The following PTBP2 variants were observed in gnomAD, a reference collection of about 807,000 sequenced individuals.
The protein encoded by PTBP2 is polypyrimidine tract-binding protein 2.
PTBP2 carries 13 observed loss-of-function variants against 61.4 expected under a neutral mutation model. The ratio of observed to expected loss-of-function variants is 0.21; its 90% CI spans 0.14 to 0.34. The LOEUF is 0.34. Among genes scored for constraint, PTBP2 ranks in the 10% least tolerant of loss-of-function variants. The probability of loss-of-function intolerance (pLI) is 1.00; values close to 1 mark genes in which losing one functional copy is unlikely to be tolerated. For synonymous variants in PTBP2, 215 were observed against 218.5 expected (o/e 0.98, Z 0.14); for missense variants, 405 against 642.6 (o/e 0.63, Z 4.00).
At chr1:96,747,436 A>G (rs569852310) in intron 2 of PTBP2, among the ~76,000 whole-genome samples, 38 of 152,270 alleles carry the variant, frequency 2.5e-4, no homozygotes, top group South Asian at 1.4e-3. Context: ...TAAAGATACT[A>G]TATTTTCTTC....
chr1:96,757,239 G>A (rs1469046124), intron 3 of PTBP2, among the ~76,000 whole-genome samples: 7 of 152,298 alleles, frequency 4.6e-5, no homozygotes, highest in Middle Eastern at 3.4e-3. Context: ...GAAATATCAA[G>A]ATGCAGGTTG....
At chr1:96,791,070 A>G (rs1282551346) in intron 8 of PTBP2, among the ~76,000 whole-genome samples, 3 of 151,608 alleles carry the variant, frequency 2.0e-5, no homozygotes, top group Non-Finnish European at 4.4e-5. Flanking sequence ...GAGGATATAC[A>G]TCTCTCAGGT....
intron 8 of PTBP2, among the ~76,000 whole-genome samples, chr1:96,792,355 G>A (rs530220447): frequency 2.7e-4 from 41 of 152,252 alleles, no homozygotes; most frequent in African/African-American, 7.5e-4. Context: ...CCATTTTATA[G>A]ATTTGGAAAG....
chr1:96,815,673 AAT>A (rs1170429297), downstream of PTBP2: 2 of 152,166 alleles, frequency 1.3e-5, no homozygotes, highest in Admixed American at 1.3e-4. Flanking sequence ...AGGAACATAA[AAT>A]ATGTTTTACT....
chr1:96,806,272 C>A, intron 9 of PTBP2, 147 bp from the exon 10 acceptor site: 1 of 699,838 alleles, frequency 1.4e-6, no homozygotes, highest in Admixed American at 2.2e-5. Flanking sequence ...CCAACTTGCC[C>A]CAATTAACCG....
intron 2 of PTBP2, among the ~76,000 whole-genome samples, chr1:96,739,045 CTT>C (rs1428850128): frequency 4.6e-5 from 7 of 152,114 alleles, no homozygotes; most frequent in African/African-American, 1.4e-4. Flanking sequence ...TTAAAAATAA[CTT>C]TGACAAATGC....
chr1:96,806,712 C>T, intron 10 of PTBP2, 154 bp from the exon 11 acceptor site: 1 of 683,874 alleles, frequency 1.5e-6, no homozygotes, highest in Non-Finnish European at 2.5e-6. Flanking sequence ...TGTTCAAAAT[C>T]TTGATCTTCT....
intron 5 of PTBP2, among the ~76,000 whole-genome samples, chr1:96,775,627 T>C (rs903835548): frequency 6.6e-6 from 1 of 152,184 alleles, no homozygotes; most frequent in Non-Finnish European, 1.5e-5. Context: ...TGGGTAATTA[T>C]TTCACAGAGA....
chr1:96,724,863 A>G (rs1186023095), intron 2 of PTBP2, among the ~76,000 whole-genome samples: 1 of 151,980 alleles, frequency 6.6e-6, no homozygotes, highest in African/African-American at 2.4e-5. Flanking sequence ...TAATAATGAT[A>G]ATAATAATTG....
exon 14 of PTBP2, chr1:96,823,072 T>C (rs10875036): frequency 0.26 from 39,702 of 152,280 alleles, 5,696 homozygotes; most frequent in African/African-American, 0.38. Context: ...GCAATTCTCC[T>C]GCCTCAGCCT....
At chr1:96,766,832 T>G (rs865805401) in intron 3 of PTBP2, among the ~76,000 whole-genome samples, 4 of 152,158 alleles carry the variant, frequency 2.6e-5, no homozygotes, top group Non-Finnish European at 5.9e-5. Context: ...GCAACCTGTA[T>G]GTAATGTAAT....
At chr1:96,799,259 T>C (rs1322793700) in intron 8 of PTBP2, among the ~76,000 whole-genome samples, 2 of 151,666 alleles carry the variant, frequency 1.3e-5, no homozygotes, top group East Asian at 3.9e-4. Context: ...TTTTACATTG[T>C]TTTATCTTTA....
intron 3 of PTBP2, among the ~76,000 whole-genome samples, chr1:96,760,491 G>A (rs1323334878): frequency 2.1e-5 from 3 of 141,974 alleles, no homozygotes; most frequent in African/African-American, 8.3e-5. Flanking sequence ...CTGTCACCAG[G>A]CTGGAATGCA....
At chr1:96,804,164 T>G (rs1661287450) in intron 8 of PTBP2, among the ~76,000 whole-genome samples, 1 of 152,210 alleles carries the variant, frequency 6.6e-6, no homozygotes, top group African/African-American at 2.4e-5. Flanking sequence ...GATGGTTTCT[T>G]GTTCTTTCAA....
chr1:96,789,593 A>G (rs972855817), intron 8 of PTBP2, among the ~76,000 whole-genome samples: 2 of 151,926 alleles, frequency 1.3e-5, no homozygotes, highest in African/African-American at 4.8e-5. Flanking sequence ...TGAATTTATA[A>G]TTTTCTATAT....
intron 3 of PTBP2, among the ~76,000 whole-genome samples, chr1:96,761,745 G>GT (rs776810303): frequency 1.3e-5 from 2 of 151,866 alleles, no homozygotes; most frequent in African/African-American, 4.8e-5. Context: ...TTTGTTTTTT[G>GT]TTTTTTATTT....
In PTBP2 at chr1:96,777,810, A is replaced by G. The variant is rs753010827; in HGVS notation, c.598-26A>G. ...GAAATAATAATATAGTAAATAAGTA[A>G]TGTTTTGATTTTAATGTTTTAACAG... On this transcript the variant is annotated intron_variant, in intron 6 of 13. Coordinates refer to ENST00000674951, the MANE Select transcript of PTBP2 (RefSeq NM_021190.4). The G allele has an allele frequency of 3.3e-6, 5 of 1,536,470 alleles. No individual in the cohort carries two copies. The Admixed American group carries it at 5.5e-5, about 17-fold the overall frequency.
chr1:96,777,632 T>C lies in PTBP2; in HGVS notation c.480T>C (p.Asn160=). The part of the protein sequence containing the change: ...LQAVTAVQTA[N]TPLSGTTVSE... ...CTGTGACAGCTGTCCAGACAGCAAA[T>C]ACTCCTCTTAGTGGCACCACAGTTA... The change falls in exon 6 of 14, where the codon AAT becomes AAC. Residue 160 remains asparagine (N), a synonymous_variant. Transcript: ENST00000674951. 1 of 1,613,488 alleles carries C rather than the reference T, an allele frequency of 6.2e-7. No individual in the cohort carries two copies. The highest frequency in any genetic ancestry group is 8.5e-7 in the Non-Finnish European group (1 of 1,179,628).
At chr1:96,761,233 G>C (rs566844354) in intron 3 of PTBP2, among the ~76,000 whole-genome samples, 6 of 152,262 alleles carry the variant, frequency 3.9e-5, no homozygotes, top group African/African-American at 1.4e-4. Context: ...TGAAGCAGTA[G>C]ATTATCTCTG....
Sources: gnomAD v4.1 joint callset for allele counts (sites outside exome capture counted in the v4.1 genomes callset) on GRCh38, gnomAD v4.1.1 for gene constraint, MANE v1.5 for transcripts, NCBI Gene and HGNC (gene_info 2026-07-23, HGNC 2026-07-21) for gene names.